TDRD3: variants seen among roughly 807,000 people sequenced by gnomAD.
TDRD3 encodes tudor domain containing 3.
In TDRD3, 45 loss-of-function variants were observed where a neutral mutation model predicts 86.7. That is an observed-to-expected ratio of 0.52 (90% CI 0.41 to 0.67). The LOEUF (loss-of-function observed/expected upper bound fraction) is 0.67. Among genes scored for constraint, TDRD3 ranks in the 30% least tolerant of loss-of-function variants. The probability of loss-of-function intolerance (pLI) is 0.00; values close to 1 mark genes in which losing one functional copy is unlikely to be tolerated. For synonymous variants in TDRD3, 298 were observed against 301.7 expected, an observed-to-expected ratio of 0.99 and a Z score of 0.13; for missense variants, 814 against 889.0, an observed-to-expected ratio of 0.92 and a Z score of 1.07.
At chr13:60,415,307 C>G (rs9538684) in intron 1 of TDRD3, among the ~76,000 whole-genome samples, 1 of 151,812 alleles carries the variant, frequency 6.6e-6, no homozygotes, top group Non-Finnish European at 1.5e-5. Flanking sequence ...TCATATCAAC[C>G]GGGATCCAGT....
intron 8 of TDRD3, among the ~76,000 whole-genome samples, chr13:60,507,975 G>T (rs1010036509): frequency 6.6e-6 from 1 of 151,972 alleles, no homozygotes; most frequent in Non-Finnish European, 1.5e-5. Context: ...CCTATACACT[G>T]GTCATATACA....
intron 12 of TDRD3, among the ~76,000 whole-genome samples, chr13:60,552,393 G>A (rs749857393): frequency 7.9e-5 from 12 of 152,224 alleles, no homozygotes; most frequent in East Asian, 1.9e-4. Context: ...TCCAGGGCAC[G>A]CTAATGCAAG....
intron 12 of TDRD3, among the ~76,000 whole-genome samples, chr13:60,542,951 C>G (rs1333184108): frequency 3.9e-5 from 6 of 152,160 alleles, no homozygotes; most frequent in Non-Finnish European, 8.8e-5. Context: ...ATGGGTTTCA[C>G]TGTCATACCT....
intron 12 of TDRD3, among the ~76,000 whole-genome samples, chr13:60,541,317 G>A (rs182827649): frequency 1.2e-4 from 18 of 151,744 alleles, no homozygotes; most frequent in African/African-American, 2.9e-4. Context: ...ACAGGCACCC[G>A]CCACTATCCA....
intron 8 of TDRD3, among the ~76,000 whole-genome samples, chr13:60,504,969 T>G (rs1956905532): frequency 6.6e-6 from 1 of 152,190 alleles, no homozygotes; most frequent in African/African-American, 2.4e-5. Context: ...CCTTGGGTGC[T>G]CATGCCACCA....
intron 3 of TDRD3, among the ~76,000 whole-genome samples, chr13:60,456,762 C>T (rs1955682239): frequency 6.6e-6 from 1 of 152,052 alleles, no homozygotes; most frequent in South Asian, 2.1e-4. Context: ...GTGGCGCAAT[C>T]GTGGTTCACT....
intron 8 of TDRD3, among the ~76,000 whole-genome samples, chr13:60,502,705 T>A (rs1218651616): frequency 6.6e-6 from 1 of 152,094 alleles, no homozygotes; most frequent in African/African-American, 2.4e-5. Context: ...GAAAGTGACA[T>A]TCTTTACTGA....
At chr13:60,407,016 C>T (rs1954251555) in intron 1 of TDRD3, among the ~76,000 whole-genome samples, 1 of 151,906 alleles carries the variant, frequency 6.6e-6, no homozygotes, top group Non-Finnish European at 1.5e-5. Flanking sequence ...TTGTAAAATA[C>T]CTAATGTGAA....
chr13:60,474,174 A>G (rs536966109), intron 5 of TDRD3, among the ~76,000 whole-genome samples: 53 of 152,318 alleles, frequency 3.5e-4, no homozygotes, highest in Admixed American at 2.9e-3. Flanking sequence ...ATAATGGCGT[A>G]AGCTGTCCTC....
intron 12 of TDRD3, among the ~76,000 whole-genome samples, chr13:60,565,852 A>G (rs1958447626): frequency 6.6e-6 from 1 of 152,198 alleles, no homozygotes; most frequent in Admixed American, 6.5e-5. Flanking sequence ...ATAATAATAA[A>G]TAACTTCTTT....
intron 1 of TDRD3, among the ~76,000 whole-genome samples, chr13:60,397,925 CTTATTTCAAAGTACAG>C (rs1039993828): frequency 1.3e-5 from 2 of 152,206 alleles, no homozygotes; most frequent in African/African-American, 4.8e-5. Context: ...CTTCTTACCC[CTTATTTCAAAGTACAG>C]TGTGGACCAG....
chr13:60,475,368 A>T (rs1956163183), intron 5 of TDRD3, among the ~76,000 whole-genome samples: 1 of 152,166 alleles, frequency 6.6e-6, no homozygotes, highest in Admixed American at 6.5e-5. Flanking sequence ...TTCCTGCCTT[A>T]GTTTGCTTAG....
At position 60,542,863 on chromosome 13, in the gene TDRD3, A is replaced by G. The variant is rs150187546; in HGVS notation, c.2118+7630A>G. On this transcript the variant is annotated intron_variant, in intron 12 of 13. Transcript: ENST00000377881. ...TCTGGTGAGTGGTATCTTTTGATGT[A>G]TATGGGCTACCCTTACTACTGATCT... Among the ~76,000 whole-genome samples, 9 of 152,234 alleles carry G rather than the reference A, an allele frequency of 5.9e-5. No individual in the cohort carries two copies. In the East Asian group the frequency reaches 1.7e-3, roughly 29 times the overall value.
At chr13:60,426,223 C>T (rs9646035) in intron 1 of TDRD3, among the ~76,000 whole-genome samples, 29,593 of 151,734 alleles carry the variant, frequency 0.2, 3,576 homozygotes, top group South Asian at 0.29. Flanking sequence ...TATTATAAAC[C>T]AAAAAAGAGC....
intron 3 of TDRD3, among the ~76,000 whole-genome samples, chr13:60,458,801 T>C (rs182376771): frequency 8.3e-4 from 126 of 152,342 alleles, no homozygotes; most frequent in African/African-American, 2.9e-3. Context: ...GCTGGAGGAT[T>C]GTATTGGACA....
rs1956424610 is a variant in TDRD3, at chr13:60,485,906, G to A, written c.675G>A (p.Lys225=). 6.8e-6 allele frequency: 11 copies of A among 1,610,230 alleles called. No homozygotes were observed. The highest frequency in any genetic ancestry group is 9.3e-6 in the Non-Finnish European group (11 of 1,178,432). The change falls in exon 7 of 14, where the codon AAG becomes AAA. Residue 225 remains lysine (K), a synonymous_variant. Transcript: ENST00000377881. The part of the protein sequence containing the change: ...KPTNDNDEFE[K]QRTAAIAEVA... ...CAAATGATAATGATGAATTTGAAAAGCAAAGGACGGCTGCTATTGCTGAAG... is the reference window on the plus strand; with the variant it reads ...CAAATGATAATGATGAATTTGAAAAACAAAGGACGGCTGCTATTGCTGAAG...
chr13:60,555,620 A>T (rs2137923805), intron 12 of TDRD3, among the ~76,000 whole-genome samples: 1 of 152,290 alleles, frequency 6.6e-6, no homozygotes, highest in East Asian at 1.9e-4. Context: ...GTACTTGAGA[A>T]TTTTTGTATG....
At chr13:60,429,363 T>C (rs1302426410) in intron 1 of TDRD3, among the ~76,000 whole-genome samples, 1 of 152,200 alleles carries the variant, frequency 6.6e-6, no homozygotes, top group Non-Finnish European at 1.5e-5. Flanking sequence ...TTTTCATTTT[T>C]AAGAGTTTGA....
intron 1 of TDRD3, among the ~76,000 whole-genome samples, chr13:60,404,852 T>C (rs1449319472): frequency 6.6e-6 from 1 of 152,200 alleles, no homozygotes; most frequent in Non-Finnish European, 1.5e-5. Context: ...TCCCCACATG[T>C]TGTGGGAAGG....
Sources: gnomAD v4.1 joint callset for allele counts (sites outside exome capture counted in the v4.1 genomes callset) on GRCh38, gnomAD v4.1.1 for gene constraint, MANE v1.5 for transcripts, NCBI Gene and HGNC (gene_info 2026-07-23, HGNC 2026-07-21) for gene names.